Variants in PDE4B observed in about 807,000 individuals in gnomAD.
PDE4B encodes 3',5'-cyclic-AMP phosphodiesterase 4B.
A neutral mutation model predicts 82.2 loss-of-function variants in PDE4B; 20 were observed. The observed-to-expected ratio is 0.24, with a 90% CI of 0.17 to 0.35. The LOEUF (loss-of-function observed/expected upper bound fraction) is 0.35, where lower values mean the gene tolerates loss of function less well. Ranked by LOEUF, PDE4B falls within the 10% of genes least tolerant of loss-of-function variation. PDE4B has a pLI of 1.00. For missense variants in PDE4B, 655 were observed against 907.2 expected, an observed-to-expected ratio of 0.72 and a Z score of 3.57; for synonymous variants, 320 against 318.9, an observed-to-expected ratio of 1.00 and a Z score of -0.04.
intron 7 of PDE4B, among the ~76,000 whole-genome samples, chr1:66,313,855 T>G (rs1195667449): frequency 1.3e-5 from 2 of 152,178 alleles, no homozygotes; most frequent in Non-Finnish European, 2.9e-5. Flanking sequence ...CAGCAATCCA[T>G]GCCTGGGGCT....
At chr1:66,298,223 T>C (rs1657644878) in intron 7 of PDE4B, among the ~76,000 whole-genome samples, 1 of 152,164 alleles carries the variant, frequency 6.6e-6, no homozygotes, top group Non-Finnish European at 1.5e-5. Context: ...TATTATGCTG[T>C]CTGGGGCTCT....
intron 3 of PDE4B, among the ~76,000 whole-genome samples, chr1:66,042,193 T>C (rs1654425869): frequency 6.6e-6 from 1 of 151,862 alleles, no homozygotes; most frequent in South Asian, 2.1e-4. Context: ...TTAAAGTGAT[T>C]GATATAACTT....
chr1:65,802,271 T>C (rs1347539042), intron 1 of PDE4B, among the ~76,000 whole-genome samples: 1 of 152,206 alleles, frequency 6.6e-6, no homozygotes, highest in African/African-American at 2.4e-5. Flanking sequence ...GACTCCACTG[T>C]AATTAGTGTC....
intron 3 of PDE4B, among the ~76,000 whole-genome samples, chr1:66,191,265 T>C (rs779555429): frequency 6.6e-6 from 1 of 152,180 alleles, no homozygotes; most frequent in Non-Finnish European, 1.5e-5. Flanking sequence ...GCAAAGAATG[T>C]GTTTTATGTA....
At chr1:66,296,082 T>A (rs553299272) in intron 7 of PDE4B, among the ~76,000 whole-genome samples, 1 of 152,166 alleles carries the variant, frequency 6.6e-6, no homozygotes, top group Non-Finnish European at 1.5e-5. Flanking sequence ...ACGTCTCTTA[T>A]TAGGGCTGTT....
At chr1:66,358,400 C>T (rs759630352) in intron 9 of PDE4B, among the ~76,000 whole-genome samples, 7 of 152,102 alleles carry the variant, frequency 4.6e-5, no homozygotes, top group Non-Finnish European at 8.8e-5. Flanking sequence ...ACAGGCCGGG[C>T]GTGGCAGCTC....
At position 65,864,170 on chromosome 1, in the gene PDE4B, A is replaced by T. The variant is rs538865274; in HGVS notation, c.-70-49075A>T. On this transcript the variant is annotated intron_variant, in intron 1 of 16. Coordinates refer to ENST00000341517, the MANE Select transcript of PDE4B (RefSeq NM_002600.4). ...TCAATTCAGGTATTGATACTTGTGTATGCTTCACGAAGTTCTTGTGCTGTG... is the reference window on the plus strand; with the variant it reads ...TCAATTCAGGTATTGATACTTGTGTTTGCTTCACGAAGTTCTTGTGCTGTG... 8.6e-5 allele frequency among the ~76,000 whole-genome samples: 13 copies of T among 151,780 alleles called. No individual in the cohort carries two copies. In the South Asian group the frequency reaches 2.5e-3, roughly 29 times the overall value.
At chr1:66,049,590 A>C (rs1654904416) in intron 3 of PDE4B, among the ~76,000 whole-genome samples, 1 of 152,066 alleles carries the variant, frequency 6.6e-6, no homozygotes, top group Admixed American at 6.6e-5. Flanking sequence ...ATTAACATGT[A>C]ACTTATTTGT....
At chr1:66,293,810 TG>T (rs1264049532) in intron 7 of PDE4B, among the ~76,000 whole-genome samples, 1 of 152,194 alleles carries the variant, frequency 6.6e-6, no homozygotes, top group East Asian at 1.9e-4. Context: ...CACCTGAATC[TG>T]CATAAAGGCT....
intron 3 of PDE4B, among the ~76,000 whole-genome samples, chr1:66,111,749 C>T (rs772237461): frequency 6.6e-6 from 1 of 152,012 alleles, no homozygotes; most frequent in East Asian, 1.9e-4. Context: ...ATCAGTGATA[C>T]GTTCTATAAG....
chr1:65,997,782 A>G (rs1033717494), intron 3 of PDE4B, among the ~76,000 whole-genome samples: 2 of 152,236 alleles, frequency 1.3e-5, no homozygotes. Flanking sequence ...AAGAACTCCT[A>G]TACTAGCTGG....
chr1:66,177,640 C>G (rs929757449), intron 3 of PDE4B, among the ~76,000 whole-genome samples: 6 of 152,318 alleles, frequency 3.9e-5, no homozygotes, highest in African/African-American at 1.4e-4. Context: ...GTGTCATAAG[C>G]TGCAGGCAGG....
intron 3 of PDE4B, among the ~76,000 whole-genome samples, chr1:66,131,605 A>ATG (rs1645948450): frequency 1.2e-5 from 1 of 80,326 alleles, no homozygotes; most frequent in Admixed American, 1.3e-4. Flanking sequence ...ATATATATAT[A>ATG]TATATATATA....
chr1:65,942,631 T>G (rs1569768498), intron 3 of PDE4B, among the ~76,000 whole-genome samples: 1 of 151,980 alleles, frequency 6.6e-6, no homozygotes, highest in Non-Finnish European at 1.5e-5. Context: ...CTGAACTAAT[T>G]TACATTTTCA....
chr1:65,820,782 G>A (rs552754741), intron 1 of PDE4B, among the ~76,000 whole-genome samples: 1 of 152,206 alleles, frequency 6.6e-6, no homozygotes, highest in Admixed American at 6.5e-5. Flanking sequence ...GACAATCAAT[G>A]GTAGCTCCAA....
chr1:65,979,313 T>C (rs1650567436), intron 3 of PDE4B, among the ~76,000 whole-genome samples: 2 of 152,248 alleles, frequency 1.3e-5, no homozygotes, highest in Admixed American at 1.3e-4. Context: ...GGAGCTCCTG[T>C]TTCTCTGTGA....
intron 3 of PDE4B, among the ~76,000 whole-genome samples, chr1:65,988,411 T>C (rs1212654972): frequency 6.6e-6 from 1 of 152,160 alleles, no homozygotes. Context: ...TATACTGTTG[T>C]ATAACAGCAT....
rs1645633241 is a variant in PDE4B, at chr1:66,118,074, T to A, written c.282-129386T>A. On this transcript the variant is annotated intron_variant, in intron 3 of 16. Transcript: ENST00000341517. Reference sequence around the variant, plus strand: ...CTCTGATGGCCAGTGATGATGAGCATTTTTTCATGTGTCTTTTGGCTGCAT... The same window carrying A: ...CTCTGATGGCCAGTGATGATGAGCAATTTTTCATGTGTCTTTTGGCTGCAT... Among the ~76,000 whole-genome samples the A allele has an allele frequency of 2.6e-5, 4 of 152,202 alleles. No homozygotes were observed. The South Asian group carries it at 8.3e-4, about 32-fold the overall frequency.
chr1:66,261,341 A>G (rs1243468795), intron 6 of PDE4B, among the ~76,000 whole-genome samples: 2 of 152,164 alleles, frequency 1.3e-5, no homozygotes, highest in Non-Finnish European at 2.9e-5. Context: ...TACAGAAAGC[A>G]TACCCCCACC....
Sources: allele counts gnomAD v4.1 joint callset (sites outside exome capture counted in the v4.1 genomes callset), GRCh38; gene constraint gnomAD v4.1.1; transcripts MANE v1.5; gene names NCBI Gene and HGNC (gene_info 2026-07-23, HGNC 2026-07-21).